The following MYBPC3 variants were observed in gnomAD, a reference collection of about 807,000 sequenced individuals.
MYBPC3 encodes the protein myosin binding protein C3.
In MYBPC3, 108 loss-of-function variants were observed where a neutral mutation model predicts 159.3. That is an observed-to-expected ratio of 0.68 (90% CI 0.58 to 0.80). The LOEUF is 0.80. Ranked by LOEUF, MYBPC3 falls within the 30% of genes least tolerant of loss-of-function variation. The pLI, the probability that MYBPC3 is intolerant of heterozygous loss-of-function variation, is 0.00. For missense variants in MYBPC3, 1,631 were observed against 1,762.1 expected (o/e 0.93, Z 1.33); for synonymous variants, 730 against 702.0 (o/e 1.04, Z -0.63).
rs11570104 is a variant in MYBPC3, at chr11:47,336,155, C to G, written c.2603-144G>C. On this transcript the variant is annotated intron_variant, in intron 25 of 34. Transcript: ENST00000545968. Reference sequence around the variant, plus strand: ...TTGGCCACTTTAAGGAATATTTTGTCCCTGTTACAAGACATGTCTGTAGAT... The same window carrying G: ...TTGGCCACTTTAAGGAATATTTTGTGCCTGTTACAAGACATGTCTGTAGAT... 3.4e-3 allele frequency: 2,887 copies of G among 843,374 alleles called. 51 individuals carry two copies. In the African/African-American group the frequency reaches 0.037, roughly 11 times the overall value. 52.2% of individuals were successfully genotyped at this position (843,374 alleles called of 1,614,324 possible). A position where few individuals can be genotyped will look rare whatever the true frequency, so the allele number is the denominator to read the frequency against.
chr11:47,348,928 T>TATATATATATATA (rs1424143680), intron 5 of MYBPC3, among the ~76,000 whole-genome samples: 3 of 9,910 alleles, frequency 3.0e-4, no homozygotes, highest in African/African-American at 6.7e-4. Context: ...ATATATATAT[T>TATATATATATATA]TAAAGGAGGC....
intron 13 of MYBPC3, 22 bp downstream of exon 13, chr11:47,343,470 C>T (rs1263846244): frequency 6.4e-7 from 1 of 1,564,958 alleles, no homozygotes; most frequent in Non-Finnish European, 8.7e-7. Flanking sequence ...ACCCGAGCCC[C>T]CCTCCCCACC....
intron 28 of MYBPC3, 49 bp from the exon 29 acceptor site, chr11:47,333,801 G>A (rs766667597): frequency 1.1e-5 from 17 of 1,554,286 alleles, no homozygotes; most frequent in Middle Eastern, 1.8e-4. Context: ...TCCAAGGGCC[G>A]GCCGCCACCC....
At chr11:47,347,749 T>C (rs2095895810) in intron 7 of MYBPC3, 69 bp from the exon 8 acceptor site, 4 of 1,548,550 alleles carry the variant, frequency 2.6e-6, no homozygotes, top group Non-Finnish European at 3.5e-6. Context: ...CCCCACTGAC[T>C]TCAGCTCCGC....
In MYBPC3 at chr11:47,341,121, C is replaced by T. The variant is rs370233132; in HGVS notation, c.1897+17G>A. ...GGCCCCACTGCCCCGACCCACCCTACCCTGGAGCAGGCTCACCCATGAAGT... is the reference window on the plus strand; with the variant it reads ...GGCCCCACTGCCCCGACCCACCCTATCCTGGAGCAGGCTCACCCATGAAGT... On this transcript the variant is annotated intron_variant, in intron 19 of 34. Coordinates refer to ENST00000545968, the MANE Select transcript of MYBPC3 (RefSeq NM_000256.3). 5.4e-6 allele frequency: 8 copies of T among 1,480,238 alleles called. No individual in the cohort carries two copies. The highest frequency in any genetic ancestry group is 1.2e-5 in the South Asian group (1 of 84,752). 91.7% of individuals were successfully genotyped at this position (1,480,238 alleles called of 1,614,324 possible).
Position 47,349,940 on chromosome 11 carries a change from A to G in MYBPC3, c.506-18T>C. 6.3e-7 allele frequency: 1 copy of G among 1,583,042 alleles called. No homozygotes were observed. The highest frequency in any genetic ancestry group is 1.8e-5 in the Admixed American group (1 of 55,334). On this transcript the variant is annotated intron_variant, in intron 4 of 34. Transcript: ENST00000545968. ...GCTGCCACCTGCAAAGGCAGGGGCG[A>G]CAGGCCCGGCTTGGGGAGTGTCCTG...
chr11:47,347,076 G>T (rs746239874), intron 9 of MYBPC3, 47 bp from the exon 10 acceptor site: 31 of 884,054 alleles, frequency 3.5e-5, no homozygotes, highest in Non-Finnish European at 4.9e-5. Flanking sequence ...GGGGGAGAGG[G>T]AGAGAGAGGG....
rs572227730 is a variant in MYBPC3, at chr11:47,341,996, G to A, written c.1785C>T (p.Ile595=). The A allele has an allele frequency of 7.0e-6, 11 of 1,563,588 alleles. No individual in the cohort carries two copies. The Admixed American group carries it at 9.7e-5, about 14-fold the overall frequency. ...CACCTGCCCTGCACACTCACCGCCC[G>A]ATGTGGGACACCTTTATGCGGCTGT... ...VPDSRIKVSH[I]GRVHKLTIDD... The change falls in exon 18 of 35, where the codon ATC becomes ATT. Residue 595 remains isoleucine (I), a synonymous_variant. Transcript: ENST00000545968.
Position 47,332,263 on chromosome 11 carries a change from A to G in MYBPC3, c.3628-5T>C, listed in dbSNP as rs759005406. The G allele has an allele frequency of 2.5e-6, 4 of 1,613,566 alleles. No individual in the cohort carries two copies. In the South Asian group the frequency reaches 4.4e-5, roughly 18 times the overall value. On this transcript the variant is annotated splice_region_variant and splice_polypyrimidine_tract_variant and intron_variant, in intron 32 of 34. Coordinates refer to ENST00000545968, the MANE Select transcript of MYBPC3 (RefSeq NM_000256.3). This position sits in a 1 kb window ranked among gnomAD's most constrained non-coding sequence, Gnocchi z 4.2. ...CTTGAACCAGGAAATCTTGGGCTAT[A>G]AATAAGGTAAAGAGAGGGAGGGAAG...
chr11:47,338,020 G>A lies in MYBPC3; in HGVS notation c.2309-226C>T, dbSNP rs1179445777. 6.2e-5 allele frequency among the ~76,000 whole-genome samples: 9 copies of A among 144,634 alleles called. No homozygotes were observed. Among genetic ancestry groups the A allele is most frequent in the African/African-American group, 2.3e-4 (9 of 38,466 alleles). 94.9% of individuals were successfully genotyped at this position (144,634 alleles called of 152,430 possible). ...TGTCCAGGCTGGGTCTCAACAGGAT[G>A]CATTTCTGATCATGTCGCCAGCCCT... is the stretch of plus-strand genomic sequence containing the variant. On this transcript the variant is annotated intron_variant, in intron 23 of 34. Transcript: ENST00000545968. The surrounding 1 kb of genome is among the most constrained non-coding windows in gnomAD (Gnocchi z 4.7).
intron 1 of MYBPC3, among the ~76,000 whole-genome samples, chr11:47,352,119 C>T (rs767950942): frequency 6.6e-6 from 1 of 152,054 alleles, no homozygotes; most frequent in South Asian, 2.1e-4. Flanking sequence ...AACATGGGGG[C>T]CACACCGTAC....
intron 27 of MYBPC3, 148 bp downstream of exon 27, chr11:47,334,894 G>A (rs1001385542): frequency 3.1e-5 from 30 of 966,836 alleles, no homozygotes; most frequent in African/African-American, 8.5e-5. Context: ...TAGGCCTAGC[G>A]CATGGACGAT....
rs532498780 is a variant in MYBPC3 at position 47,348,512 on chromosome 11, A to G, written c.684T>C (p.Asp228=). ...KVYLFELHIT[D]AQPAFTGSYR... ...AGCTGCCAGTGAAGGCAGGCTGGGC[A>G]TCGGTGATGTGCAGCTCGAACAGAT... is the stretch of plus-strand genomic sequence containing the variant. Residue 228 remains aspartate, a synonymous_variant, in exon 6 of 35, where the codon GAT becomes GAC. Coordinates refer to ENST00000545968, the MANE Select transcript of MYBPC3 (RefSeq NM_000256.3). 1.9e-6 allele frequency: 3 copies of G among 1,613,396 alleles called. No homozygotes were observed. The highest frequency in any genetic ancestry group is 2.7e-5 in the African/African-American group (2 of 75,048).
In MYBPC3 at chr11:47,332,484, G is replaced by C. The variant is rs920147069; in HGVS notation, c.3627+82C>G. The C allele has an allele frequency of 7.8e-6, 12 of 1,542,832 alleles. No homozygotes were observed. The highest frequency in any genetic ancestry group is 2.7e-5 in the African/African-American group (2 of 73,132). ...AGGTGGAGAGAAAGCAGGGGAGACA[G>C]GCTGGGGAGAGGACTGCTCAACGTC... is the stretch of plus-strand genomic sequence containing the variant. On this transcript the variant is annotated intron_variant, in intron 32 of 34. Coordinates refer to ENST00000545968, the MANE Select transcript of MYBPC3 (RefSeq NM_000256.3). The surrounding 1 kb of genome is among the most constrained non-coding windows in gnomAD (Gnocchi z 4.2).
Position 47,335,140 on chromosome 11 carries a change from G to A in MYBPC3, c.2807C>T (p.Thr936Met), listed in dbSNP as rs374946555. 41 of 1,612,640 alleles carry A rather than the reference G, an allele frequency of 2.5e-5. No individual in the cohort carries two copies. Among genetic ancestry groups the A allele is most frequent in the Admixed American group, 2.5e-4 (15 of 59,926 alleles). The change falls in exon 27 of 35, where the codon ACG becomes ATG. Residue 936 changes from threonine (T) to methionine (M), a missense_variant. Physicochemically the swap from Thr to Met is moderately conservative, Grantham distance 81. Coordinates refer to ENST00000545968, the MANE Select transcript of MYBPC3 (RefSeq NM_000256.3). ...CACTCGGAAAAGCAGCCGGGCCCCC[G>A]TGGGCAGGTCCTTCACCAGTATCGA... ...HTSILVKDLP[T>M]GARLLFRVRA...
chr11:47,341,938 TCTGTCTCCATCTCAGTCTCCAC>T (rs1256784704), intron 18 of MYBPC3, 31 bp downstream of exon 18: 5 of 1,545,622 alleles, frequency 3.2e-6, no homozygotes, highest in Middle Eastern at 1.7e-4. Context: ...TGTGTCTCTC[TCTGTCTCCATCTCAGTCTCCAC>T]CTGTCCCATC....
rs58411933 is a variant in MYBPC3, at chr11:47,348,908, T to TTATATA, written c.655-373_655-368dup. On this transcript the variant is annotated intron_variant, in intron 5 of 34. Transcript: ENST00000545968. ...CGACAGAGCGAGACCCTGTCTCAAATTATATATATATATATATATTTAAAG... is the reference window on the plus strand; with the variant it reads ...CGACAGAGCGAGACCCTGTCTCAAATTATATATATATATATATATATATATTTAAAG... Among the ~76,000 whole-genome samples the TTATATA allele has an allele frequency of 8.7e-3, 347 of 39,876 alleles. 63 individuals are homozygous for TTATATA. Among genetic ancestry groups the TTATATA allele is most frequent in the Middle Eastern group, 0.028 (1 of 36 alleles). The allele number at this position is 39,876 out of a possible 152,430, so 26.2% of individuals were successfully genotyped here.
In MYBPC3 at chr11:47,343,598, A is replaced by G; in HGVS notation, c.1117T>C (p.Tyr373His). Reference protein sequence around the residue: ...TAFQKKLEPAYQVSKGHKIRL... With the variant: ...TAFQKKLEPAHQVSKGHKIRL... ...ATCTTGTGGCCTTTGCTCACCTGGT[A>G]GGCCGGCTCCAGCTTCTTCTGAAAG... The change falls in exon 13 of 35, where the codon TAC becomes CAC. Residue 373 changes from tyrosine (Y) to histidine (H), a missense_variant. By Grantham distance (83) the Tyr-to-His change is moderately conservative (BLOSUM62 2). Transcript: ENST00000545968. 1 of 1,612,760 alleles carries G rather than the reference A, an allele frequency of 6.2e-7. No individual in the cohort carries two copies. Among genetic ancestry groups the G allele is most frequent in the Non-Finnish European group, 8.5e-7 (1 of 1,179,616 alleles).
intron 20 of MYBPC3, among the ~76,000 whole-genome samples, chr11:47,340,785 T>C (rs1234589649): frequency 6.6e-6 from 1 of 152,206 alleles, no homozygotes; most frequent in African/African-American, 2.4e-5. Flanking sequence ...ATAACTATCC[T>C]ATGAGGTGGC....
Sources: gnomAD v4.1 joint callset for allele counts (sites outside exome capture counted in the v4.1 genomes callset) on GRCh38, gnomAD v4.1.1 for gene constraint, Gnocchi (gnomAD v3.1) non-coding constraint, MANE v1.5 for transcripts, NCBI Gene and HGNC (gene_info 2026-07-23, HGNC 2026-07-21) for gene names.